PIK3C2G: variants seen among roughly 807,000 people sequenced by gnomAD.
PIK3C2G encodes the protein phosphatidylinositol 3-kinase C2 domain-containing subunit gamma.
Under a neutral mutation model 181.1 loss-of-function variants are expected in PIK3C2G, and 168 were observed. The observed-to-expected ratio is 0.93, with a 90% confidence interval of 0.82 to 1.05. The LOEUF (loss-of-function observed/expected upper bound fraction) is 1.05. Ranked by LOEUF, PIK3C2G falls within the 50% of genes least tolerant of loss-of-function variation. The pLI, the probability that PIK3C2G is intolerant of heterozygous loss-of-function variation, is 0.00. For synonymous variants in PIK3C2G, 573 were observed against 592.2 expected, an observed-to-expected ratio of 0.97 and a Z score of 0.47; for missense variants, 1,869 against 1,732.8, an observed-to-expected ratio of 1.08 and a Z score of -1.40.
chr12:18,345,309 G>A (rs959643598), intron 10 of PIK3C2G, among the ~76,000 whole-genome samples: 6 of 152,124 alleles, frequency 3.9e-5, no homozygotes, highest in African/African-American at 1.4e-4. Context: ...TGCTACTGCT[G>A]ACTTCTCAGA....
At chr12:18,426,643 T>C (rs1259468234) in intron 18 of PIK3C2G, among the ~76,000 whole-genome samples, 4 of 152,196 alleles carry the variant, frequency 2.6e-5, no homozygotes, top group African/African-American at 9.6e-5. Flanking sequence ...GTTGCTTTGA[T>C]TGATAGTTAA....
intron 16 of PIK3C2G, among the ~76,000 whole-genome samples, chr12:18,414,833 T>C (rs1945083614): frequency 6.6e-6 from 1 of 152,212 alleles, no homozygotes; most frequent in South Asian, 2.1e-4. Flanking sequence ...CGGCCAACAC[T>C]TCCTAAAATA....
At chr12:18,280,853 T>C (rs1357577810) in intron 1 of PIK3C2G, among the ~76,000 whole-genome samples, 1 of 132,568 alleles carries the variant, frequency 7.5e-6, no homozygotes, top group Non-Finnish European at 1.8e-5. Flanking sequence ...ATGGTAGTGA[T>C]AGACAGAGAG....
rs368486655 is a variant in PIK3C2G at position 18,305,761 on chromosome 12, G to GA, written c.1035-8195dup. Among the ~76,000 whole-genome samples the GA allele has an allele frequency of 4.8e-3, 732 of 151,884 alleles. 7 individuals carry two copies. Among genetic ancestry groups the GA allele is most frequent in the African/African-American group, 0.017 (707 of 41,466 alleles). ...TGTTTCTCCTCTGGAGATTTTGTGG[G>GA]AAAAAACAATAATAAAACCTTAGGA... On this transcript the variant is annotated intron_variant, in intron 5 of 32. Transcript: ENST00000538779.
chr12:18,609,476 A>C (rs2136595181), intron 30 of PIK3C2G, 59 bp from the exon 31 acceptor site: 1 of 926,518 alleles, frequency 1.1e-6, no homozygotes, highest in Non-Finnish European at 1.7e-6. Context: ...TAAATGTTTG[A>C]TTGTTCCTGT....
At chr12:18,483,850 T>C (rs1939785893) in intron 18 of PIK3C2G, among the ~76,000 whole-genome samples, 1 of 152,176 alleles carries the variant, frequency 6.6e-6, no homozygotes, top group African/African-American at 2.4e-5. Flanking sequence ...TTATTTCTCA[T>C]TCATGTAGGA....
At chr12:18,572,985 T>A (rs1006752963) in intron 29 of PIK3C2G, among the ~76,000 whole-genome samples, 10 of 152,200 alleles carry the variant, frequency 6.6e-5, no homozygotes, top group African/African-American at 2.4e-4. Context: ...TTATTATATC[T>A]GCAAATAGTA....
At chr12:18,632,222 T>C (rs1437967216) in intron 31 of PIK3C2G, among the ~76,000 whole-genome samples, 1 of 152,162 alleles carries the variant, frequency 6.6e-6, no homozygotes, top group African/African-American at 2.4e-5. Context: ...AGATACCTTA[T>C]CCAATCAGTA....
intron 18 of PIK3C2G, among the ~76,000 whole-genome samples, chr12:18,431,228 A>AT (rs1459685496): frequency 6.6e-6 from 1 of 152,232 alleles, no homozygotes; most frequent in Non-Finnish European, 1.5e-5. Context: ...GATTATGGGA[A>AT]TTAGTTTATC....
chr12:18,405,489 G>A (rs115269300), intron 16 of PIK3C2G, among the ~76,000 whole-genome samples: 6 of 151,728 alleles, frequency 4.0e-5, no homozygotes, highest in South Asian at 2.1e-4. Flanking sequence ...GTGCGATCTC[G>A]GTTCACAGCA....
At chr12:18,369,479 C>A (rs1039918155) in intron 12 of PIK3C2G, among the ~76,000 whole-genome samples, 2 of 145,192 alleles carry the variant, frequency 1.4e-5, no homozygotes, top group Non-Finnish European at 3.0e-5. Flanking sequence ...ATATAACGAT[C>A]GTATAATTGA....
chr12:18,635,114 A>G (rs606257), intron 31 of PIK3C2G, among the ~76,000 whole-genome samples: 83,626 of 152,048 alleles, frequency 0.55, 24,336 homozygotes, highest in Admixed American at 0.64. Flanking sequence ...CTTTAGGGAT[A>G]TCCCAGAAAG....
the PIK3C2G span, among the ~76,000 whole-genome samples, chr12:18,698,319 T>A: frequency 6.6e-6 from 1 of 152,002 alleles, no homozygotes; most frequent in Non-Finnish European, 1.5e-5. Flanking sequence ...CCCATTCCAT[T>A]CTACTCTATA....
the PIK3C2G span, among the ~76,000 whole-genome samples, chr12:18,714,332 T>C: frequency 0.45 from 69,019 of 151,992 alleles, 18,529 homozygotes; most frequent in South Asian, 0.63. Flanking sequence ...AACACTAACA[T>C]AAGGCAATGG....
At chr12:18,377,296 G>T (rs934167498) in intron 13 of PIK3C2G, among the ~76,000 whole-genome samples, 1 of 152,170 alleles carries the variant, frequency 6.6e-6, no homozygotes, top group East Asian at 1.9e-4. Context: ...CACAAATTTT[G>T]TGTTGGCTTT....
At chr12:18,302,801 T>C (rs987208773) in intron 5 of PIK3C2G, among the ~76,000 whole-genome samples, 2 of 151,832 alleles carry the variant, frequency 1.3e-5, no homozygotes, top group African/African-American at 4.8e-5. Flanking sequence ...TACTTAGGAG[T>C]ACAAGCTGTG....
intron 31 of PIK3C2G, among the ~76,000 whole-genome samples, chr12:18,629,022 A>G (rs1257111570): frequency 3.3e-5 from 5 of 152,242 alleles, no homozygotes; most frequent in Non-Finnish European, 7.3e-5. Context: ...TGTGGTAACA[A>G]GAGCATTTAC....
chr12:18,414,968 A>G (rs139728148), intron 16 of PIK3C2G, among the ~76,000 whole-genome samples: 1 of 152,346 alleles, frequency 6.6e-6, no homozygotes, highest in African/African-American at 2.4e-5. Flanking sequence ...TTCAAGCAAT[A>G]GTAATAAATA....
At chr12:18,249,089 A>G (rs1316711682) in intron 1 of PIK3C2G, among the ~76,000 whole-genome samples, 1 of 152,016 alleles carries the variant, frequency 6.6e-6, no homozygotes, top group Non-Finnish European at 1.5e-5. Context: ...TTCTCTTCCT[A>G]TGGCATTTGC....
Sources: gnomAD v4.1 joint callset for allele counts (sites outside exome capture counted in the v4.1 genomes callset) on GRCh38, gnomAD v4.1.1 for gene constraint, MANE v1.5 for transcripts, NCBI Gene and HGNC (gene_info 2026-07-23, HGNC 2026-07-21) for gene names.